The following KCTD2 variants were observed in gnomAD, a reference collection of about 807,000 sequenced individuals.
The protein encoded by KCTD2 is potassium channel tetramerization domain containing 2.
A neutral mutation model predicts 27.9 loss-of-function variants in KCTD2; 18 were observed. The ratio of observed to expected loss-of-function variants is 0.64; its 90% CI spans 0.45 to 0.96. KCTD2 has a LOEUF of 0.96. KCTD2 is among the 40% of genes least tolerant of loss of function. The pLI is 0.00. For synonymous variants in KCTD2, 175 were observed against 148.4 expected (o/e 1.18, Z -1.30); for missense variants, 280 against 348.0 (o/e 0.80, Z 1.56).
At chr17:75,059,654 G>T (rs1459427246) in intron 4 of KCTD2, 49 bp downstream of exon 4, 1 of 1,428,958 alleles carries the variant, frequency 7.0e-7, no homozygotes, top group South Asian at 1.2e-5. Context: ...CAAGGGGTCT[G>T]CAGCTCTTCA....
chr17:75,059,603 C>T lies in KCTD2; in HGVS notation c.634C>T (p.Gln212Ter). 6.2e-7 allele frequency: 1 copy of T among 1,612,514 alleles called. No individual in the cohort carries two copies. The highest frequency in any genetic ancestry group is 8.5e-7 in the Non-Finnish European group (1 of 1,178,614). Residue 212 changes from glutamine to a stop codon, truncating the protein, a stop_gained and splice_region_variant, in exon 4 of 6, where the codon CAG becomes TAG. Coordinates refer to ENST00000322444, the MANE Select transcript of KCTD2 (RefSeq NM_015353.3). LOFTEE classifies it high-confidence loss of function. ...GATGTCCGACGGCTGGAAATTCGAA[C>T]AGGTACATCTCTTAACAGAGCAGCA... ...STMSDGWKFE[Q>*]LISIGSSYNY...
At position 75,064,611 on chromosome 17, in the gene KCTD2, T is replaced by A. The variant is rs1397407455; in HGVS notation, c.*1564T>A. The A allele has an allele frequency of 6.6e-6, 1 of 152,250 alleles. No homozygotes were observed. Among genetic ancestry groups the A allele is most frequent in the African/African-American group, 2.4e-5 (1 of 41,466 alleles). 9.4% of individuals were successfully genotyped at this position (152,250 alleles called of 1,614,324 possible). ...CTCAGTCTCCTTGTTTCTCTGTATC[T>A]GTAGCATAGCATAGAACCCGGTATA... On this transcript the variant is annotated 3_prime_UTR_variant, in exon 6 of 6. Transcript: ENST00000322444.
chr17:75,042,116 C>T lies in KCTD2; in HGVS notation c.-259+6759C>T. The T allele has an allele frequency of 2.9e-6, 4 of 1,399,262 alleles. No homozygotes were observed. The South Asian group carries it at 4.9e-5, about 17-fold the overall frequency. The allele number at this position is 1,399,262 out of a possible 1,614,324, so 86.7% of individuals were successfully genotyped here. A position where few individuals can be genotyped will look rare whatever the true frequency, so the allele number is the denominator to read the frequency against. ...CTGTCATGCTGTGTATGTAATTATC[C>T]CTGTTCCTGCTCCCTACCCACAGGC... On this transcript the variant is annotated intron_variant, in intron 3 of 7. Transcript: ENST00000581589.
chr17:75,047,831 C>T (rs1303725930), intron 1 of KCTD2, among the ~76,000 whole-genome samples: 20 of 152,146 alleles, frequency 1.3e-4, no homozygotes, highest in Admixed American at 1.3e-3. Context: ...AGACTCCTTC[C>T]CACACTGCGC....
intron 3 of KCTD2, among the ~76,000 whole-genome samples, chr17:75,038,647 A>G (rs899057757): frequency 6.6e-6 from 1 of 152,188 alleles, no homozygotes; most frequent in Non-Finnish European, 1.5e-5. Context: ...ACTACATCAC[A>G]GTGAAATACA....
chr17:75,045,102 G>A (rs918118979), upstream of KCTD2, among the ~76,000 whole-genome samples: 4 of 152,260 alleles, frequency 2.6e-5, no homozygotes, highest in South Asian at 2.1e-4. Flanking sequence ...AAAGCTGGGC[G>A]TCCGGGGGAG....
chr17:75,045,083 A>G (rs2073199793), upstream of KCTD2, among the ~76,000 whole-genome samples: 1 of 152,190 alleles, frequency 6.6e-6, no homozygotes, highest in Admixed American at 6.5e-5. Context: ...TACAAAAGAG[A>G]GAAATTTTAA....
intron 3 of KCTD2, among the ~76,000 whole-genome samples, chr17:75,058,034 A>G (rs971378766): frequency 1.3e-5 from 2 of 151,664 alleles, no homozygotes; most frequent in African/African-American, 4.8e-5. Flanking sequence ...TAAAAATCCA[A>G]AAAAATTGGC....
intron 3 of KCTD2, among the ~76,000 whole-genome samples, chr17:75,056,434 C>G (rs1041074405): frequency 1.3e-5 from 2 of 152,180 alleles, no homozygotes; most frequent in Non-Finnish European, 2.9e-5. Context: ...TGAAATGATT[C>G]AAGTCATGGT....
rs1052799490 is a variant in KCTD2 at position 75,047,676 on chromosome 17, T to C, written c.339+87T>C. 2.2e-6 allele frequency: 3 copies of C among 1,380,522 alleles called. No homozygotes were observed. In the Admixed American group the frequency reaches 6.9e-5, roughly 32 times the overall value. The allele number at this position is 1,380,522 out of a possible 1,614,324, so 85.5% of individuals were successfully genotyped here. A position where few individuals can be genotyped will look rare whatever the true frequency, so the allele number is the denominator to read the frequency against. On this transcript the variant is annotated intron_variant, in intron 1 of 5. Transcript: ENST00000322444. ...TCCCCAGAGTCCTGAGACACGCTCC[T>C]CACAGGCAGCCCCCTCAGGCCGGGA...
chr17:75,049,605 C>T (rs1235523308), intron 2 of KCTD2, among the ~76,000 whole-genome samples: 2 of 152,188 alleles, frequency 1.3e-5, no homozygotes, highest in Admixed American at 6.5e-5. Context: ...AGAATTGTCA[C>T]GATCCTTTTT....
At chr17:75,041,459 AAAAAC>A (rs1221412807) in intron 3 of KCTD2, 3 of 151,586 alleles carry the variant, frequency 2.0e-5, no homozygotes, top group Non-Finnish European at 2.9e-5. Context: ...AAAAAAAAAA[AAAAAC>A]AAAACGAAAA....
chr17:75,042,597 C>G (rs1452075784), upstream of KCTD2: 1 of 1,613,200 alleles, frequency 6.2e-7, no homozygotes, highest in South Asian at 1.1e-5. Context: ...GGGGTATGAT[C>G]TCTGCAAAAG....
chr17:75,049,845 C>T (rs1431392848), intron 2 of KCTD2, among the ~76,000 whole-genome samples: 1 of 152,186 alleles, frequency 6.6e-6, no homozygotes, highest in African/African-American at 2.4e-5. Context: ...TTACTTGCCT[C>T]ATCTTTGTGG....
chr17:75,060,630 C>T (rs536155804), intron 4 of KCTD2: 18 of 1,577,944 alleles, frequency 1.1e-5, no homozygotes, highest in Admixed American at 3.7e-5. Context: ...CATGGCTGGG[C>T]GCGTGGCGAG....
rs2073445074 is a variant in KCTD2, at chr17:75,065,209, G to GA, written c.*2162_*2163insA. 3 of 152,184 alleles carry GA rather than the reference G, an allele frequency of 2.0e-5. No homozygotes were observed. The highest frequency in any genetic ancestry group is 2.9e-5 in the Non-Finnish European group (2 of 68,060). The allele number at this position is 152,184 out of a possible 1,614,324, so 9.4% of individuals were successfully genotyped here. On this transcript the variant is annotated 3_prime_UTR_variant, in exon 6 of 6. Transcript: ENST00000322444. ...ACAGGAGTGGTATTTCCGCCCTCTC[G>GA]GAGGGCTGGTGTTCACCAAGTTTCC...
At chr17:75,055,177 C>CCCT (rs2073336653) in intron 3 of KCTD2, among the ~76,000 whole-genome samples, 1 of 151,966 alleles carries the variant, frequency 6.6e-6, no homozygotes, top group Non-Finnish European at 1.5e-5. Context: ...GTCTCAGCCA[C>CCCT]CTGAGTAGCT....
At chr17:75,043,723 C>T (rs62086354), upstream of KCTD2, among the ~76,000 whole-genome samples, 6,914 of 152,120 alleles carry the variant, frequency 0.045, 260 homozygotes, top group Non-Finnish European at 0.066. Context: ...GACATTTCCA[C>T]CCAGATTGTG....
At chr17:75,040,042 C>A (rs757691854) in intron 3 of KCTD2, 2 of 1,587,304 alleles carry the variant, frequency 1.3e-6, no homozygotes, top group South Asian at 1.1e-5. Flanking sequence ...TAATAGAGAG[C>A]TGTCAAGATC....
Sources: allele counts gnomAD v4.1 joint callset (sites outside exome capture counted in the v4.1 genomes callset), GRCh38; gene constraint gnomAD v4.1.1; transcripts MANE v1.5; gene names NCBI Gene and HGNC (gene_info 2026-07-23, HGNC 2026-07-21).